DLGAP1: variants seen among roughly 807,000 people sequenced by gnomAD.
The protein encoded by DLGAP1 is disks large-associated protein 1.
Under a neutral mutation model 90.8 loss-of-function variants are expected in DLGAP1, and 11 were observed. That is an observed-to-expected ratio of 0.12 (90% CI 0.08 to 0.20). The LOEUF (loss-of-function observed/expected upper bound fraction) is 0.20, where lower values mean the gene tolerates loss of function less well. Among genes scored for constraint, DLGAP1 ranks in the 10% least tolerant of loss-of-function variants. DLGAP1 has a pLI of 1.00. For missense variants in DLGAP1, 1,050 were observed against 1,333.8 expected, an observed-to-expected ratio of 0.79 and a Z score of 3.31; for synonymous variants, 558 against 540.7, an observed-to-expected ratio of 1.03 and a Z score of -0.44.
intron 7 of DLGAP1, among the ~76,000 whole-genome samples, chr18:3,664,206 A>ACC (rs1445633626): frequency 2.3e-4 from 32 of 140,210 alleles, no homozygotes; most frequent in African/African-American, 8.0e-4. Context: ...ACACACACAC[A>ACC]CACACACACA....
intron 2 of DLGAP1, among the ~76,000 whole-genome samples, chr18:4,015,123 T>C (rs1476355338): frequency 6.6e-6 from 1 of 152,138 alleles, no homozygotes; most frequent in African/African-American, 2.4e-5. Context: ...CGGTGACTCT[T>C]CTGTGGATTG....
chr18:4,276,998 AT>A (rs1368392661), intron 1 of DLGAP1, among the ~76,000 whole-genome samples: 2 of 152,252 alleles, frequency 1.3e-5, no homozygotes, highest in Non-Finnish European at 2.9e-5. Flanking sequence ...TAATGAATAT[AT>A]TTTCTAACCC....
chr18:4,119,866 A>ATAT (rs2076125373), intron 2 of DLGAP1, among the ~76,000 whole-genome samples: 1 of 152,208 alleles, frequency 6.6e-6, no homozygotes, highest in South Asian at 2.1e-4. Flanking sequence ...CATCATTTGG[A>ATAT]TACATAAATA....
chr18:4,384,634 G>GA (rs1272105800), intron 1 of DLGAP1, among the ~76,000 whole-genome samples: 1 of 151,908 alleles, frequency 6.6e-6, no homozygotes, highest in Non-Finnish European at 1.5e-5. Context: ...TAATATAGCT[G>GA]AATTTACCCT....
chr18:3,680,788 C>CA (rs71160910), intron 7 of DLGAP1, among the ~76,000 whole-genome samples: 5,872 of 94,500 alleles, frequency 0.062, 392 homozygotes, highest in East Asian at 0.14. Flanking sequence ...GACTCCGTCT[C>CA]AAAAAAAAAA....
intron 7 of DLGAP1, among the ~76,000 whole-genome samples, chr18:3,681,623 C>A (rs529414281): frequency 6.6e-6 from 1 of 152,270 alleles, no homozygotes; most frequent in East Asian, 1.9e-4. Context: ...CCCAAAAAGC[C>A]AGCTGTGTGA....
chr18:3,535,440 G>A (rs1405747897), intron 9 of DLGAP1, among the ~76,000 whole-genome samples: 1 of 152,184 alleles, frequency 6.6e-6, no homozygotes, highest in African/African-American at 2.4e-5. Context: ...GGGCGTGGTG[G>A]CTCACGCCCG....
intron 2 of DLGAP1, among the ~76,000 whole-genome samples, chr18:4,149,914 C>G (rs569025481): frequency 7.9e-5 from 12 of 152,348 alleles, no homozygotes; most frequent in African/African-American, 2.9e-4. Flanking sequence ...CCATGCATGG[C>G]TGGCACAGCC....
intron 7 of DLGAP1, chr18:3,597,386 G>T (rs929579805): frequency 1.3e-5 from 5 of 381,164 alleles, no homozygotes; most frequent in Non-Finnish European, 2.5e-5. Flanking sequence ...CTGACTCTGA[G>T]ACTGTGGGGT....
chr18:3,877,099 T>C (rs990881024), intron 4 of DLGAP1, among the ~76,000 whole-genome samples: 2 of 152,128 alleles, frequency 1.3e-5, no homozygotes, highest in African/African-American at 4.8e-5. Context: ...TTTCTTCTCT[T>C]ATAAAAATAG....
chr18:3,636,998 CA>C (rs1298742356), intron 7 of DLGAP1, among the ~76,000 whole-genome samples: 3 of 152,104 alleles, frequency 2.0e-5, no homozygotes, highest in African/African-American at 7.3e-5. Context: ...GCTGGGATTA[CA>C]GGCGTTAGCC....
At chr18:4,013,032 A>C (rs914206181) in intron 2 of DLGAP1, among the ~76,000 whole-genome samples, 1 of 152,168 alleles carries the variant, frequency 6.6e-6, no homozygotes, top group Admixed American at 6.5e-5. Flanking sequence ...TTGTGATTGC[A>C]ATATCCTTTC....
intron 7 of DLGAP1, among the ~76,000 whole-genome samples, chr18:3,715,947 C>G (rs533989536): frequency 2.7e-4 from 41 of 152,276 alleles, no homozygotes; most frequent in African/African-American, 9.9e-4. Flanking sequence ...ATCTACAAAA[C>G]CTCACTTGCT....
Position 4,226,105 on chromosome 18 carries a change from G to A in DLGAP1, c.-266-74818C>T, listed in dbSNP as rs897468577. On this transcript the variant is annotated intron_variant, in intron 1 of 12. Transcript: ENST00000315677. ...GATGCACCTGGCAGCAGACTTTTCA[G>A]TGGAAACCTTATAGGCCAGGAGAGA... Among the ~76,000 whole-genome samples, 3 of 152,168 alleles carry A rather than the reference G, an allele frequency of 2.0e-5. No individual in the cohort carries two copies. The East Asian group carries it at 5.8e-4, about 29-fold the overall frequency.
At chr18:4,096,693 CCT>C (rs1202878276) in intron 2 of DLGAP1, among the ~76,000 whole-genome samples, 1 of 152,114 alleles carries the variant, frequency 6.6e-6, no homozygotes, top group Non-Finnish European at 1.5e-5. Flanking sequence ...GGTTCAGAGT[CCT>C]CAGACAACCT....
rs144748355 is a variant in DLGAP1, at chr18:3,562,638, G to A, written c.2057+4852C>T. Among the ~76,000 whole-genome samples the A allele has an allele frequency of 8.6e-3, 1,279 of 148,614 alleles. 12 individuals carry two copies. The highest frequency in any genetic ancestry group is 0.03 in the African/African-American group (1,200 of 39,964). On this transcript the variant is annotated intron_variant, in intron 9 of 12. Coordinates refer to ENST00000315677, the MANE Select transcript of DLGAP1 (RefSeq NM_004746.4). ...CGGCTCACTGCAGCTTCCACCTCCT[G>A]GGTTCAAGTGATTTTCCTGCCTCAG... is the stretch of plus-strand genomic sequence containing the variant.
intron 1 of DLGAP1, among the ~76,000 whole-genome samples, chr18:4,283,543 T>G (rs539284377): frequency 6.6e-6 from 1 of 152,276 alleles, no homozygotes; most frequent in African/African-American, 2.4e-5. Context: ...TGAAAATAAT[T>G]TCTTTACTTT....
At chr18:4,068,849 G>A (rs2075406826) in intron 2 of DLGAP1, among the ~76,000 whole-genome samples, 1 of 152,192 alleles carries the variant, frequency 6.6e-6, no homozygotes, top group African/African-American at 2.4e-5. Context: ...CACGCGTACA[G>A]GTGAGGAAAC....
Position 4,383,107 on chromosome 18 carries a change from A to G in DLGAP1, c.-267+71899T>C, listed in dbSNP as rs893793933. 6.6e-6 allele frequency among the ~76,000 whole-genome samples: 1 copy of G among 152,170 alleles called. No homozygotes were observed. The highest frequency in any genetic ancestry group is 2.4e-5 in the African/African-American group (1 of 41,422). ...GCTAACAGAGTTTAGCAAAGGAATC[A>G]GAGGTTAATTACCTTCACTCCTTTT... On this transcript the variant is annotated intron_variant, in intron 1 of 12. Coordinates refer to ENST00000315677, the MANE Select transcript of DLGAP1 (RefSeq NM_004746.4). The surrounding 1 kb of genome is among the most constrained non-coding windows in gnomAD (Gnocchi z 4.0).
Sources: gnomAD v4.1 joint callset for allele counts (sites outside exome capture counted in the v4.1 genomes callset) on GRCh38, gnomAD v4.1.1 for gene constraint, Gnocchi (gnomAD v3.1) non-coding constraint, MANE v1.5 for transcripts, NCBI Gene and HGNC (gene_info 2026-07-23, HGNC 2026-07-21) for gene names.